The following ATP1A1 variants were observed in gnomAD, a reference collection of about 807,000 sequenced individuals.
ATP1A1 encodes ATPase Na+/K+ transporting subunit alpha 1.
Under a neutral mutation model 114.8 loss-of-function variants are expected in ATP1A1, and 14 were observed. The ratio of observed to expected loss-of-function variants is 0.12; its 90% CI spans 0.08 to 0.19. ATP1A1 has a LOEUF of 0.19. Ranked by LOEUF, ATP1A1 falls within the 10% of genes least tolerant of loss-of-function variation. The pLI, the probability that ATP1A1 is intolerant of heterozygous loss-of-function variation, is 1.00. For synonymous variants in ATP1A1, 471 were observed against 466.3 expected (o/e 1.01, Z -0.13); for missense variants, 524 against 1,290.7 (o/e 0.41, Z 9.10).
chr1:116,384,203 T>G lies in ATP1A1; in HGVS notation c.123+79T>G. On this transcript the variant is annotated intron_variant, in intron 2 of 22. Transcript: ENST00000295598. This position sits in a 1 kb window ranked among gnomAD's most constrained non-coding sequence, Gnocchi z 5.1. ...TAATCCCCCAGGCCTCACTGTATTC[T>G]TCAAAGAACTGCTATATATTAAAAG... The G allele has an allele frequency of 1.8e-6, 2 of 1,105,286 alleles. No homozygotes were observed. The highest frequency in any genetic ancestry group is 2.7e-6 in the Non-Finnish European group (2 of 748,848). 68.5% of individuals were successfully genotyped at this position (1,105,286 alleles called of 1,614,324 possible).
At position 116,389,103 on chromosome 1, in the gene ATP1A1, G is replaced by A; in HGVS notation, c.754+84G>A. The A allele has an allele frequency of 2.4e-6, 3 of 1,252,156 alleles. No homozygotes were observed. Among genetic ancestry groups the A allele is most frequent in the Non-Finnish European group, 3.5e-6 (3 of 867,624 alleles). 77.6% of individuals were successfully genotyped at this position (1,252,156 alleles called of 1,614,324 possible). The stretch of plus-strand genomic sequence containing the variant: ...ATCAAAACCATAGGCACAATCTCTT[G>A]TTTTATTGGCTCCATTTCTGAGAAC... On this transcript the variant is annotated intron_variant, in intron 7 of 22. Transcript: ENST00000295598. This position sits in a 1 kb window ranked among gnomAD's most constrained non-coding sequence, Gnocchi z 6.9.
At chr1:116,375,654 T>C (rs939778965) in intron 1 of ATP1A1, among the ~76,000 whole-genome samples, 4 of 152,174 alleles carry the variant, frequency 2.6e-5, no homozygotes, top group African/African-American at 9.7e-5. Context: ...ATTAGTTTAC[T>C]TGTGTGTGTG....
chr1:116,396,757 C>T (rs202122794), intron 14 of ATP1A1, 23 bp downstream of exon 14: 1,179 of 1,549,642 alleles, frequency 7.6e-4, no homozygotes, highest in Non-Finnish European at 9.7e-4. Flanking sequence ...GCTCAAATCA[C>T]AGTCTGCTGT....
Position 116,393,735 on chromosome 1 carries a change from A to G in ATP1A1, c.1660+12A>G. 6.2e-7 allele frequency: 1 copy of G among 1,609,444 alleles called. No individual in the cohort carries two copies. The highest frequency in any genetic ancestry group is 8.5e-7 in the Non-Finnish European group (1 of 1,178,192). ...AGAACGAGTCCTAGGTATGCAGATA[A>G]CCTGGTAACAGAGTGCCTGGGCACG... On this transcript the variant is annotated intron_variant, in intron 12 of 22. Coordinates refer to ENST00000295598, the MANE Select transcript of ATP1A1 (RefSeq NM_000701.8). This position sits in a 1 kb window ranked among gnomAD's most constrained non-coding sequence, Gnocchi z 5.0.
Position 116,393,896 on chromosome 1 carries a change from A to G in ATP1A1, c.1660+173A>G, listed in dbSNP as rs565017361. On this transcript the variant is annotated intron_variant, in intron 12 of 22. Transcript: ENST00000295598. The surrounding 1 kb of genome is among the most constrained non-coding windows in gnomAD (Gnocchi z 5.0). Reference sequence around the variant, plus strand: ...TTTGCCCCCTATTATTTTGAAAACAATAAGTGCTGAAGAAATGTTCAGCGT... The same window carrying G: ...TTTGCCCCCTATTATTTTGAAAACAGTAAGTGCTGAAGAAATGTTCAGCGT... Among the ~76,000 whole-genome samples, 7 of 152,316 alleles carry G rather than the reference A, an allele frequency of 4.6e-5. No individual in the cohort carries two copies. The East Asian group carries it at 5.8e-4, about 13-fold the overall frequency.
At position 116,373,472 on chromosome 1, in the gene ATP1A1, C is replaced by T; in HGVS notation, c.-40C>T. The T allele has an allele frequency of 6.6e-7, 1 of 1,515,700 alleles. No individual in the cohort carries two copies. 93.9% of individuals were successfully genotyped at this position (1,515,700 alleles called of 1,614,324 possible). ...CTCTGTGCTTTTCTCTCTGATTCTCCAGCGACAGGACCCGGCGCCGGGCAC... is the reference window on the plus strand; with the variant it reads ...CTCTGTGCTTTTCTCTCTGATTCTCTAGCGACAGGACCCGGCGCCGGGCAC... On this transcript the variant is annotated 5_prime_UTR_variant, in exon 1 of 23. Transcript: ENST00000295598.
chr1:116,395,015 C>T lies in ATP1A1; in HGVS notation c.1661-95C>T, dbSNP rs1652792623. ...CTTTAAAAATTTTCCAAAGTAAACACTCCAGAGAAAGGTAGGCGGGCTGAA... is the reference window on the plus strand; with the variant it reads ...CTTTAAAAATTTTCCAAAGTAAACATTCCAGAGAAAGGTAGGCGGGCTGAA... On this transcript the variant is annotated intron_variant, in intron 12 of 22. Coordinates refer to ENST00000295598, the MANE Select transcript of ATP1A1 (RefSeq NM_000701.8). The surrounding 1 kb of genome is among the most constrained non-coding windows in gnomAD (Gnocchi z 6.4). 4 of 1,331,244 alleles carry T rather than the reference C, an allele frequency of 3.0e-6. No homozygotes were observed. Among genetic ancestry groups the T allele is most frequent in the Middle Eastern group, 3.8e-4 (2 of 5,228 alleles). 82.5% of individuals were successfully genotyped at this position (1,331,244 alleles called of 1,614,324 possible).
Position 116,384,074 on chromosome 1 carries a change from A to C in ATP1A1, c.73A>C (p.Lys25Gln). The C allele has an allele frequency of 6.2e-7, 1 of 1,614,140 alleles. No individual in the cohort carries two copies. The highest frequency in any genetic ancestry group is 8.5e-7 in the Non-Finnish European group (1 of 1,179,996). The change falls in exon 2 of 23, where the codon AAG becomes CAG. Residue 25 changes from lysine (K) to glutamine (Q), a missense_variant. Lys to Gln is a moderately conservative substitution (Grantham distance 53, BLOSUM62 1). This residue lies in a region of ATP1A1 where 33 missense variants were observed against 31.2 expected (regional missense o/e 1.06). Transcript: ENST00000295598. The surrounding 1 kb of genome is among the most constrained non-coding windows in gnomAD (Gnocchi z 5.1). The part of the protein sequence containing the change: ...VSEQGDKKGK[K>Q]GKKDRDMDEL... Reference sequence around the variant, plus strand: ...AGAACAAGGTGATAAAAAGGGCAAAAAGGGCAAAAAAGACAGGGACATGGA... The same window carrying C: ...AGAACAAGGTGATAAAAAGGGCAAACAGGGCAAAAAAGACAGGGACATGGA...
In ATP1A1 at chr1:116,401,902, C is replaced by T. The variant is rs560235569; in HGVS notation, c.2951+247C>T. 2 of 538,990 alleles carry T rather than the reference C, an allele frequency of 3.7e-6. No individual in the cohort carries two copies. The highest frequency in any genetic ancestry group is 2.3e-5 in the South Asian group (1 of 43,900). 33.4% of individuals were successfully genotyped at this position (538,990 alleles called of 1,614,324 possible). Reference sequence around the variant, plus strand: ...AGATAAAGCCACACAGGCTCTAGCTCCATGGAACTGCTCAACAGCGAACTG... The same window carrying T: ...AGATAAAGCCACACAGGCTCTAGCTTCATGGAACTGCTCAACAGCGAACTG... On this transcript the variant is annotated intron_variant, in intron 21 of 22. Coordinates refer to ENST00000295598, the MANE Select transcript of ATP1A1 (RefSeq NM_000701.8). This position sits in a 1 kb window ranked among gnomAD's most constrained non-coding sequence, Gnocchi z 4.7.
At position 116,389,363 on chromosome 1, in the gene ATP1A1, TG is replaced by T; in HGVS notation, c.755-75del. The T allele has an allele frequency of 1.3e-6, 2 of 1,566,602 alleles. No homozygotes were observed. Among genetic ancestry groups the T allele is most frequent in the Admixed American group, 3.5e-5 (2 of 57,174 alleles). ...TCTTTTTGTTTTTTTAGTCATCCTA[TG>T]TAATTGTGTAAAATCCGTGGCTTCC... On this transcript the variant is annotated intron_variant, in intron 7 of 22. Transcript: ENST00000295598. The surrounding 1 kb of genome is among the most constrained non-coding windows in gnomAD (Gnocchi z 6.9).
chr1:116,381,696 T>C lies in ATP1A1; in HGVS notation c.13-2318T>C, dbSNP rs1162398389. 1.3e-5 allele frequency among the ~76,000 whole-genome samples: 2 copies of C among 152,212 alleles called. No individual in the cohort carries two copies. The highest frequency in any genetic ancestry group is 1.5e-5 in the Non-Finnish European group (1 of 68,026). On this transcript the variant is annotated intron_variant, in intron 1 of 22. Coordinates refer to ENST00000295598, the MANE Select transcript of ATP1A1 (RefSeq NM_000701.8). The surrounding 1 kb of genome is among the most constrained non-coding windows in gnomAD (Gnocchi z 5.1). ...TATTTTGTAAGTGGGGGTAAAACTT[T>C]GGAACGTGTTCAAAGCCTAGCTGCT...
At position 116,395,914 on chromosome 1, in the gene ATP1A1, G is replaced by T. The variant is rs1399023995; in HGVS notation, c.1836+629G>T. ...TTACAGGCACCCGCTACCACGCCCA[G>T]CTAATTTTTGTATTTTTAAGTAAAG... On this transcript the variant is annotated intron_variant, in intron 13 of 22. Coordinates refer to ENST00000295598, the MANE Select transcript of ATP1A1 (RefSeq NM_000701.8). This position sits in a 1 kb window ranked among gnomAD's most constrained non-coding sequence, Gnocchi z 6.4. Among the ~76,000 whole-genome samples, 1 of 152,038 alleles carries T rather than the reference G, an allele frequency of 6.6e-6. No individual in the cohort carries two copies. Among genetic ancestry groups the T allele is most frequent in the Non-Finnish European group, 1.5e-5 (1 of 68,022 alleles).
At position 116,401,714 on chromosome 1, in the gene ATP1A1, C is replaced by A. The variant is rs1343446554; in HGVS notation, c.2951+59C>A. On this transcript the variant is annotated intron_variant, in intron 21 of 22. Coordinates refer to ENST00000295598, the MANE Select transcript of ATP1A1 (RefSeq NM_000701.8). This position sits in a 1 kb window ranked among gnomAD's most constrained non-coding sequence, Gnocchi z 4.7. ...GAAATAGTATGTGTGGCTTTTCCCC[C>A]CATTACTTGTGGTAATAGTTGTTAT... 1 of 1,510,220 alleles carries A rather than the reference C, an allele frequency of 6.6e-7. No individual in the cohort carries two copies. The highest frequency in any genetic ancestry group is 9.2e-7 in the Non-Finnish European group (1 of 1,091,930). The allele number at this position is 1,510,220 out of a possible 1,614,324, so 93.6% of individuals were successfully genotyped here.
intron 9 of ATP1A1, 76 bp downstream of exon 9, chr1:116,390,487 A>G (rs1358018751): frequency 6.4e-6 from 9 of 1,395,526 alleles, no homozygotes; most frequent in Non-Finnish European, 8.7e-6. Context: ...AAATTGCATG[A>G]AATTTCTTTT....
Position 116,373,366 on chromosome 1 carries a change from G to GCCCAAC in ATP1A1, c.-143_-142insAACCCC. On this transcript the variant is annotated 5_prime_UTR_variant, in exon 1 of 23. Coordinates refer to ENST00000295598, the MANE Select transcript of ATP1A1 (RefSeq NM_000701.8). The stretch of plus-strand genomic sequence containing the variant: ...GCGGCATCGGCCCGAGCCGCCGGCC[G>GCCCAAC]CCCTCCCACCCTCCCGCCCCGCGGC... 2.0e-6 allele frequency: 1 copy of GCCCAAC among 491,884 alleles called. No homozygotes were observed. The highest frequency in any genetic ancestry group is 3.2e-6 in the Non-Finnish European group (1 of 310,224). The allele number at this position is 491,884 out of a possible 1,614,324, so 30.5% of individuals were successfully genotyped here. A position where few individuals can be genotyped will look rare whatever the true frequency, so the allele number is the denominator to read the frequency against.
Position 116,396,584 on chromosome 1 carries a change from C to T in ATP1A1, c.1837-14C>T, listed in dbSNP as rs780710025. 3 of 1,612,910 alleles carry T rather than the reference C, an allele frequency of 1.9e-6. No individual in the cohort carries two copies. The highest frequency in any genetic ancestry group is 2.5e-6 in the Non-Finnish European group (3 of 1,179,516). ...TTGGCAGTTGCATTCAACACATTGT[C>T]TTGTTTATTACAGGTCATCATGGTC... On this transcript the variant is annotated splice_polypyrimidine_tract_variant and intron_variant, in intron 13 of 22. Coordinates refer to ENST00000295598, the MANE Select transcript of ATP1A1 (RefSeq NM_000701.8).
Position 116,397,855 on chromosome 1 carries a change from G to GT in ATP1A1, c.1974-32dup, listed in dbSNP as rs751169483. 7.0e-6 allele frequency: 11 copies of GT among 1,577,334 alleles called. No homozygotes were observed. Among genetic ancestry groups the GT allele is most frequent in the Non-Finnish European group, 9.5e-6 (11 of 1,158,646 alleles). On this transcript the variant is annotated intron_variant, in intron 14 of 22. Transcript: ENST00000295598. This position sits in a 1 kb window ranked among gnomAD's most constrained non-coding sequence, Gnocchi z 4.2. ...TGGACACATGCTGGTGATGTGATGC[G>GT]TGACTTTTTTTTTTTTTTTGTCCTA...
At position 116,388,863 on chromosome 1, in the gene ATP1A1, G is replaced by A. The variant is rs890615538; in HGVS notation, c.637-39G>A. On this transcript the variant is annotated intron_variant, in intron 6 of 22. Coordinates refer to ENST00000295598, the MANE Select transcript of ATP1A1 (RefSeq NM_000701.8). The surrounding 1 kb of genome is among the most constrained non-coding windows in gnomAD (Gnocchi z 5.6). Reference sequence around the variant, plus strand: ...TACAGTAGCCCATGATAAGGCTGGTGTATTCACATGACATTTTTCTTCTTT... The same window carrying A: ...TACAGTAGCCCATGATAAGGCTGGTATATTCACATGACATTTTTCTTCTTT... The A allele has an allele frequency of 9.3e-6, 15 of 1,613,270 alleles. No individual in the cohort carries two copies. Among genetic ancestry groups the A allele is most frequent in the Non-Finnish European group, 1.3e-5 (15 of 1,179,452 alleles).
chr1:116,391,813 G>A (rs1250713069), intron 10 of ATP1A1, among the ~76,000 whole-genome samples: 1 of 152,094 alleles, frequency 6.6e-6, no homozygotes, highest in Non-Finnish European at 1.5e-5. Flanking sequence ...TGAGCATCAG[G>A]TCCCACAAGT....
Sources: gnomAD v4.1 joint callset for allele counts (sites outside exome capture counted in the v4.1 genomes callset) on GRCh38, gnomAD v4.1.1 for gene constraint, gnomAD v4.1.1 regional missense constraint, Gnocchi (gnomAD v3.1) non-coding constraint, MANE v1.5 for transcripts, NCBI Gene and HGNC (gene_info 2026-07-23, HGNC 2026-07-21) for gene names.